The following MAP2K4 variants were observed in gnomAD, a reference collection of about 807,000 sequenced individuals.
The protein encoded by MAP2K4 is mitogen-activated protein kinase kinase 4.
A neutral mutation model predicts 48.5 loss-of-function variants in MAP2K4; 4 were observed. That is an observed-to-expected ratio of 0.08 (90% CI 0.04 to 0.19). MAP2K4 has a LOEUF of 0.19. Among genes scored for constraint, MAP2K4 ranks in the 10% least tolerant of loss-of-function variants. The probability of loss-of-function intolerance (pLI) is 1.00; values close to 1 mark genes in which losing one functional copy is unlikely to be tolerated. For missense variants in MAP2K4, 258 were observed against 493.3 expected (o/e 0.52, Z 4.52); for synonymous variants, 166 against 173.1 (o/e 0.96, Z 0.32).
intron 7 of MAP2K4, chr17:12,115,849 C>T: frequency 2.9e-6 from 2 of 698,684 alleles, no homozygotes; most frequent in Non-Finnish European, 2.7e-6. Flanking sequence ...AGAATAAAAC[C>T]ATGTACTGCA....
intron 4 of MAP2K4, among the ~76,000 whole-genome samples, chr17:12,103,830 A>G (rs1296038322): frequency 6.6e-6 from 1 of 152,168 alleles, no homozygotes; most frequent in Non-Finnish European, 1.5e-5. Flanking sequence ...ATGTAAATAT[A>G]GATTCGTAAT....
chr17:12,132,949 A>G lies in MAP2K4; in HGVS notation c.1040+3662A>G, dbSNP rs923987703. Reference sequence around the variant, plus strand: ...AATGTCAGCAAGTGTTGCACAGTGAATTTCGACATGGCATTCTGGAGATGT... The same window carrying G: ...AATGTCAGCAAGTGTTGCACAGTGAGTTTCGACATGGCATTCTGGAGATGT... On this transcript the variant is annotated intron_variant, in intron 9 of 10. Coordinates refer to ENST00000353533, the MANE Select transcript of MAP2K4 (RefSeq NM_003010.4). Among the ~76,000 whole-genome samples, 4 of 152,166 alleles carry G rather than the reference A, an allele frequency of 2.6e-5. No individual in the cohort carries two copies. The East Asian group carries it at 7.7e-4, about 29-fold the overall frequency.
intron 1 of MAP2K4, among the ~76,000 whole-genome samples, chr17:12,033,795 GA>G (rs1203914718): frequency 6.7e-6 from 1 of 150,352 alleles, no homozygotes; most frequent in African/African-American, 2.4e-5. Context: ...TCTAATTAAT[GA>G]AAAAAAAAGG....
Position 12,143,762 on chromosome 17 carries a change from A to T in MAP2K4, c.*2502A>T. 4.3e-6 allele frequency: 1 copy of T among 230,034 alleles called. No individual in the cohort carries two copies. Among genetic ancestry groups the T allele is most frequent in the East Asian group, 6.2e-5 (1 of 16,120 alleles). The allele number at this position is 230,034 out of a possible 1,614,324, so 14.2% of individuals were successfully genotyped here. A position where few individuals can be genotyped will look rare whatever the true frequency, so the allele number is the denominator to read the frequency against. Reference sequence around the variant, plus strand: ...TTGTAATTTGATTTTCTGAAATCAGACCCTGAGAGGGGAAAATCTTAAAGT... The same window carrying T: ...TTGTAATTTGATTTTCTGAAATCAGTCCCTGAGAGGGGAAAATCTTAAAGT... On this transcript the variant is annotated 3_prime_UTR_variant, in exon 11 of 11. Coordinates refer to ENST00000353533, the MANE Select transcript of MAP2K4 (RefSeq NM_003010.4).
intron 3 of MAP2K4, among the ~76,000 whole-genome samples, chr17:12,085,643 C>G (rs1205118401): frequency 2.6e-5 from 4 of 151,970 alleles, no homozygotes; most frequent in Non-Finnish European, 4.4e-5. Context: ...GATTTTGATT[C>G]CTGCAATCCT....
intron 3 of MAP2K4, among the ~76,000 whole-genome samples, chr17:12,094,829 G>T (rs1971680745): frequency 1.3e-5 from 2 of 152,114 alleles, no homozygotes; most frequent in Admixed American, 1.3e-4. Context: ...GCAGTATATG[G>T]AGGAGCGCTT....
intron 1 of MAP2K4, among the ~76,000 whole-genome samples, chr17:12,053,005 CA>C (rs1007356596): frequency 3.3e-5 from 5 of 152,002 alleles, no homozygotes; most frequent in Non-Finnish European, 5.9e-5. Context: ...TAAATATTAC[CA>C]GCTCAAAAAT....
At chr17:12,124,595 A>G (rs1335584266) in intron 7 of MAP2K4, 1 of 152,194 alleles carries the variant, frequency 6.6e-6, no homozygotes, top group Non-Finnish European at 1.5e-5. Context: ...AAAGTCTTTT[A>G]AAAATCGAAG....
At chr17:12,054,053 A>G (rs1445643459) in intron 1 of MAP2K4, among the ~76,000 whole-genome samples, 1 of 152,184 alleles carries the variant, frequency 6.6e-6, no homozygotes, top group Non-Finnish European at 1.5e-5. Flanking sequence ...ATTCTGTAAG[A>G]CTTATTGATA....
chr17:12,097,840 T>C (rs1421774361), intron 4 of MAP2K4, among the ~76,000 whole-genome samples: 5 of 152,148 alleles, frequency 3.3e-5, no homozygotes, highest in East Asian at 1.9e-4. Context: ...TATGAAGATA[T>C]ATATATGCTT....
intron 1 of MAP2K4, among the ~76,000 whole-genome samples, chr17:12,051,141 A>G (rs893061848): frequency 2.6e-5 from 4 of 152,188 alleles, no homozygotes; most frequent in African/African-American, 4.8e-5. Flanking sequence ...CTGCAATTCT[A>G]ATTTTCCCAG....
intron 3 of MAP2K4, among the ~76,000 whole-genome samples, chr17:12,086,032 G>A (rs943306276): frequency 1.3e-5 from 2 of 152,158 alleles, no homozygotes; most frequent in Admixed American, 6.5e-5. Context: ...TGTTCTGAAA[G>A]CACTAGAATG....
intron 9 of MAP2K4, among the ~76,000 whole-genome samples, chr17:12,137,259 T>G (rs1196309590): frequency 6.6e-6 from 1 of 152,240 alleles, no homozygotes; most frequent in East Asian, 1.9e-4. Context: ...CAAATCATAA[T>G]TCTTGAATAC....
intron 1 of MAP2K4, among the ~76,000 whole-genome samples, chr17:12,044,473 A>G (rs1969894735): frequency 6.6e-6 from 1 of 152,226 alleles, no homozygotes; most frequent in African/African-American, 2.4e-5. Flanking sequence ...TGTATAGTTA[A>G]TAACATTATT....
chr17:12,130,092 C>T (rs1972975610), intron 9 of MAP2K4, among the ~76,000 whole-genome samples: 1 of 152,054 alleles, frequency 6.6e-6, no homozygotes, highest in African/African-American at 2.4e-5. Context: ...CTGAAAATAC[C>T]TTTTGGTTTC....
intron 1 of MAP2K4, among the ~76,000 whole-genome samples, chr17:12,021,788 A>G (rs1420859084): frequency 6.6e-6 from 1 of 151,978 alleles, no homozygotes; most frequent in Non-Finnish European, 1.5e-5. Context: ...GGAGAGATAC[A>G]GGAAATAGAC....
At chr17:12,049,264 A>G (rs1289776985) in intron 1 of MAP2K4, among the ~76,000 whole-genome samples, 1 of 152,204 alleles carries the variant, frequency 6.6e-6, no homozygotes, top group Non-Finnish European at 1.5e-5. Flanking sequence ...TGTTCTGAAT[A>G]CTTGTAAGTC....
At chr17:12,140,545 G>A (rs1218664158) in intron 10 of MAP2K4, among the ~76,000 whole-genome samples, 1 of 152,140 alleles carries the variant, frequency 6.6e-6, no homozygotes, top group African/African-American at 2.4e-5. Context: ...GTTTTAAAAG[G>A]TGGGTTAGTG....
At chr17:12,129,329 A>T in intron 9 of MAP2K4, 42 bp downstream of exon 9, 1 of 1,613,094 alleles carries the variant, frequency 6.2e-7, no homozygotes, top group East Asian at 2.2e-5. Context: ...GCATGGCGAG[A>T]ATAGTGAGAT....
Sources: gnomAD v4.1 joint callset for allele counts (sites outside exome capture counted in the v4.1 genomes callset) on GRCh38, gnomAD v4.1.1 for gene constraint, MANE v1.5 for transcripts, NCBI Gene and HGNC (gene_info 2026-07-23, HGNC 2026-07-21) for gene names.